Variants in COL19A1 observed in about 807,000 individuals in gnomAD.
COL19A1 encodes the protein collagen alpha-1(XIX) chain.
In COL19A1, 159 loss-of-function variants were observed where a neutral mutation model predicts 190.2. The observed-to-expected ratio is 0.84, with a 90% CI of 0.73 to 0.95. The LOEUF (loss-of-function observed/expected upper bound fraction) is 0.95, where lower values mean the gene tolerates loss of function less well. COL19A1 is among the 40% of genes least tolerant of loss of function. COL19A1 has a pLI of 0.00. For missense variants in COL19A1, 1,418 were observed against 1,431.9 expected (o/e 0.99, Z 0.16); for synonymous variants, 509 against 458.9 (o/e 1.11, Z -1.39).
At chr6:69,945,201 A>C (rs1582482339) in intron 9 of COL19A1, among the ~76,000 whole-genome samples, 2 of 151,984 alleles carry the variant, frequency 1.3e-5, no homozygotes, top group East Asian at 3.9e-4. Flanking sequence ...TCTCCAGTTA[A>C]TTTGCCAAAA....
chr6:69,916,067 G>A (rs1229120852), intron 4 of COL19A1, among the ~76,000 whole-genome samples: 1 of 151,378 alleles, frequency 6.6e-6, no homozygotes, highest in African/African-American at 2.4e-5. Context: ...CTCCCAAGTA[G>A]CTGGGACTAC....
intron 14 of COL19A1, among the ~76,000 whole-genome samples, chr6:70,056,273 A>G (rs1780501626): frequency 1.3e-5 from 2 of 152,202 alleles, no homozygotes; most frequent in Non-Finnish European, 1.5e-5. Context: ...AGTTTATCTG[A>G]GCATAGAATT....
chr6:70,094,020 A>G (rs908764334), intron 15 of COL19A1, among the ~76,000 whole-genome samples: 4 of 152,188 alleles, frequency 2.6e-5, no homozygotes, highest in Admixed American at 6.5e-5. Context: ...TTTTCTTCTC[A>G]TGTCCTTACG....
intron 49 of COL19A1, among the ~76,000 whole-genome samples, chr6:70,206,695 T>A (rs1021960856): frequency 6.6e-6 from 1 of 152,102 alleles, no homozygotes; most frequent in Non-Finnish European, 1.5e-5. Context: ...TTGCATGTTT[T>A]TTAAGATCCT....
chr6:70,166,987 C>T (rs1264248757), intron 37 of COL19A1, among the ~76,000 whole-genome samples: 1 of 152,190 alleles, frequency 6.6e-6, no homozygotes, highest in Non-Finnish European at 1.5e-5. Flanking sequence ...ACCATCCATC[C>T]TTCAAAACAC....
intron 9 of COL19A1, among the ~76,000 whole-genome samples, chr6:69,941,135 T>C (rs1410341765): frequency 6.6e-6 from 1 of 152,178 alleles, no homozygotes; most frequent in East Asian, 1.9e-4. Context: ...TTCTTTTTGA[T>C]CTGTAAGCCC....
chr6:69,905,781 G>T (rs1443030411), intron 4 of COL19A1, among the ~76,000 whole-genome samples: 1 of 152,118 alleles, frequency 6.6e-6, no homozygotes, highest in African/African-American at 2.4e-5. Flanking sequence ...TATTTGAGGG[G>T]CTTTATGTGT....
At chr6:70,032,338 G>T (rs984026721) in intron 12 of COL19A1, among the ~76,000 whole-genome samples, 2 of 152,148 alleles carry the variant, frequency 1.3e-5, no homozygotes, top group Non-Finnish European at 2.9e-5. Flanking sequence ...CATGGTCCAG[G>T]TCTAGCTGAG....
intron 11 of COL19A1, among the ~76,000 whole-genome samples, chr6:69,976,156 C>T: frequency 6.6e-6 from 1 of 152,138 alleles, no homozygotes; most frequent in African/African-American, 2.4e-5. Flanking sequence ...TTTCCTTCTC[C>T]AAGATTCTCA....
chr6:70,144,625 A>G (rs897213410), intron 24 of COL19A1, among the ~76,000 whole-genome samples: 9 of 152,234 alleles, frequency 5.9e-5, no homozygotes, highest in Non-Finnish European at 1.0e-4. Flanking sequence ...TAAAGAAAAC[A>G]TAAAGATCGT....
rs1768130496 is a variant in COL19A1 at position 70,210,585 on chromosome 6, TGAATC to T, written c.*3312_*3316del. The stretch of plus-strand genomic sequence containing the variant: ...TATTTGGCTTATAAAGTAATTTTTA[TGAATC>T]TGTTTTATGAGTTAGGTAAGATTTA... On this transcript the variant is annotated 3_prime_UTR_variant, in exon 51 of 51. Transcript: ENST00000620364. 7.9e-5 allele frequency among the ~76,000 whole-genome samples: 12 copies of T among 152,198 alleles called. No homozygotes were observed. The highest frequency in any genetic ancestry group is 7.9e-4 in the Admixed American group (12 of 15,280).
intron 17 of COL19A1, among the ~76,000 whole-genome samples, chr6:70,127,908 A>C (rs891938106): frequency 2.6e-5 from 4 of 152,188 alleles, no homozygotes; most frequent in African/African-American, 9.7e-5. Context: ...GGTATTGAGA[A>C]TGACACTCAG....
intron 2 of COL19A1, among the ~76,000 whole-genome samples, chr6:69,885,480 T>C (rs574565083): frequency 2.6e-5 from 4 of 152,360 alleles, no homozygotes; most frequent in Non-Finnish European, 5.9e-5. Flanking sequence ...CTTATTTTTG[T>C]AATGAGTGGC....
chr6:70,000,976 T>C (rs1777225713), intron 11 of COL19A1, among the ~76,000 whole-genome samples: 1 of 152,200 alleles, frequency 6.6e-6, no homozygotes, highest in East Asian at 1.9e-4. Flanking sequence ...TGCCTAGGTT[T>C]TCTTCTAGGG....
intron 48 of COL19A1, among the ~76,000 whole-genome samples, chr6:70,199,111 T>A (rs533102032): frequency 1.3e-5 from 2 of 152,314 alleles, no homozygotes; most frequent in Non-Finnish European, 2.9e-5. Flanking sequence ...TAATTCAGCC[T>A]TTTTCTTTTC....
chr6:70,055,544 G>A (rs1054062836), intron 14 of COL19A1, among the ~76,000 whole-genome samples: 6 of 151,982 alleles, frequency 3.9e-5, no homozygotes, highest in Admixed American at 3.9e-4. Context: ...CACCTTGGGG[G>A]GCTGAGGTGG....
intron 11 of COL19A1, among the ~76,000 whole-genome samples, chr6:69,972,879 A>T (rs1775510524): frequency 6.6e-6 from 1 of 152,174 alleles, no homozygotes. Context: ...TTTAGTAGTA[A>T]TGTTAAAGGT....
rs191578147 is a variant in COL19A1, at chr6:69,910,080, T to C, written c.266+9742T>C. Among the ~76,000 whole-genome samples, 7 of 152,260 alleles carry C rather than the reference T, an allele frequency of 4.6e-5. No individual in the cohort carries two copies. In the East Asian group the frequency reaches 1.3e-3, roughly 29 times the overall value. On this transcript the variant is annotated intron_variant, in intron 4 of 50. Coordinates refer to ENST00000620364, the MANE Select transcript of COL19A1 (RefSeq NM_001858.6). The stretch of plus-strand genomic sequence containing the variant: ...TGAAGGGATATTTGAAATTTATTGG[T>C]ACAGCTACTTGCATATTTTAGGCAA...
At chr6:70,018,436 AG>A (rs1045702438) in intron 11 of COL19A1, among the ~76,000 whole-genome samples, 1 of 152,098 alleles carries the variant, frequency 6.6e-6, no homozygotes, top group Non-Finnish European at 1.5e-5. Flanking sequence ...TTTTTTCTCT[AG>A]GAACAAGAGG....
Sources: allele counts gnomAD v4.1 joint callset (sites outside exome capture counted in the v4.1 genomes callset), GRCh38; gene constraint gnomAD v4.1.1; transcripts MANE v1.5; gene names NCBI Gene and HGNC (gene_info 2026-07-23, HGNC 2026-07-21).